The following CERK variants were observed in gnomAD, a reference collection of about 807,000 sequenced individuals.
CERK encodes ceramide kinase, also known as acylsphingosine kinase.
In CERK, 39 loss-of-function variants were observed where a neutral mutation model predicts 63.4. That is an observed-to-expected ratio of 0.61 (90% CI 0.48 to 0.80). The LOEUF (loss-of-function observed/expected upper bound fraction) is 0.80, where lower values mean the gene tolerates loss of function less well. Ranked by LOEUF, CERK falls within the 30% of genes least tolerant of loss-of-function variation. CERK has a pLI of 0.00. For missense variants in CERK, 670 were observed against 714.1 expected, an observed-to-expected ratio of 0.94 and a Z score of 0.70; for synonymous variants, 302 against 280.0, an observed-to-expected ratio of 1.08 and a Z score of -0.78.
intron 4 of CERK, among the ~76,000 whole-genome samples, chr22:46,711,943 C>T (rs996889891): frequency 6.6e-6 from 1 of 152,060 alleles, no homozygotes; most frequent in African/African-American, 2.4e-5. Flanking sequence ...CAAAAATTAG[C>T]CAGGCATGGT....
chr22:46,710,651 A>G (rs1420864197), intron 5 of CERK, among the ~76,000 whole-genome samples: 1 of 152,230 alleles, frequency 6.6e-6, no homozygotes, highest in Non-Finnish European at 1.5e-5. Context: ...GAGAGGCTAA[A>G]TAAATATGGC....
At chr22:46,735,299 G>A (rs1470057062) in intron 1 of CERK, 2 of 152,264 alleles carry the variant, frequency 1.3e-5, no homozygotes, top group South Asian at 2.1e-4. Context: ...GCTTCCTCAG[G>A]TGCAGACCTC....
intron 8 of CERK, among the ~76,000 whole-genome samples, chr22:46,698,062 T>A (rs1220779924): frequency 6.6e-6 from 1 of 151,362 alleles, no homozygotes; most frequent in Admixed American, 6.6e-5. Context: ...CTCTGGGGGG[T>A]CCCCGCAGCC....
Position 46,701,661 on chromosome 22 carries a change from T to A in CERK, c.765A>T (p.Glu255Asp). 6.4e-7 allele frequency: 1 copy of A among 1,559,464 alleles called. No homozygotes were observed. Among genetic ancestry groups the A allele is most frequent in the Non-Finnish European group, 8.7e-7 (1 of 1,151,538 alleles). Residue 255 changes from glutamate to aspartate, a missense_variant, in exon 7 of 13, where the codon GAA becomes GAT. By Grantham distance (45) the Glu-to-Asp change is conservative. Transcript: ENST00000216264. ...CYSTVGTSDAETSALHIVVGD... is the reference protein window; with the variant it reads ...CYSTVGTSDADTSALHIVVGD... The stretch of plus-strand genomic sequence containing the variant: ...CAACAACGATATGCAGCGCCGAGGT[T>A]TCTGCGTCGCTGGTGCCCACGGTGG...
rs547515185 is a variant in CERK, at chr22:46,725,141, G to A, written c.143-4126C>T. Among the ~76,000 whole-genome samples the A allele has an allele frequency of 3.3e-5, 5 of 152,142 alleles. No individual in the cohort carries two copies. In the South Asian group the frequency reaches 6.2e-4, roughly 19 times the overall value. Reference sequence around the variant, plus strand: ...CAGTGAGAGAACTCCACAGTGAGACGCCTCCAGCCTAGCAGCACTTACCCC... The same window carrying A: ...CAGTGAGAGAACTCCACAGTGAGACACCTCCAGCCTAGCAGCACTTACCCC... On this transcript the variant is annotated intron_variant, in intron 1 of 12. Transcript: ENST00000216264.
chr22:46,701,357 G>T (rs549913147), intron 7 of CERK, among the ~76,000 whole-genome samples: 1 of 152,408 alleles, frequency 6.6e-6, no homozygotes, highest in African/African-American at 2.4e-5. Flanking sequence ...GCAAGAGTCA[G>T]GTGAGCTGAG....
chr22:46,701,144 CGTG>C (rs2082781629), intron 7 of CERK, among the ~76,000 whole-genome samples: 1 of 152,258 alleles, frequency 6.6e-6, no homozygotes, highest in Non-Finnish European at 1.5e-5. Context: ...CAGAGCCCAC[CGTG>C]CTGAGTGCCA....
intron 1 of CERK, among the ~76,000 whole-genome samples, chr22:46,723,210 G>C (rs971013615): frequency 6.6e-6 from 1 of 152,210 alleles, no homozygotes; most frequent in Non-Finnish European, 1.5e-5. Flanking sequence ...GTTTACACAC[G>C]TTCCTTTTAC....
intron 10 of CERK, 113 bp downstream of exon 10, chr22:46,693,314 G>T (rs1372148646): frequency 2.3e-6 from 2 of 858,730 alleles, no homozygotes; most frequent in Admixed American, 2.0e-5. Flanking sequence ...TGCCAGACAG[G>T]AAAAAGGAAA....
chr22:46,697,128 C>T (rs1032689891), intron 8 of CERK, among the ~76,000 whole-genome samples: 7 of 152,152 alleles, frequency 4.6e-5, no homozygotes, highest in Non-Finnish European at 8.8e-5. Flanking sequence ...TTTCAAGCTT[C>T]GTAAAGTTTG....
rs1237628049 is a variant in CERK, at chr22:46,698,293, C to T, written c.943+1020G>A. ...CGTGGCATTCGCTCCCACTCCTCCT[C>T]CTCTGTGCCCACTGCGGCCGAGCCG... On this transcript the variant is annotated intron_variant, in intron 8 of 12. Transcript: ENST00000216264. Among the ~76,000 whole-genome samples, 3 of 152,254 alleles carry T rather than the reference C, an allele frequency of 2.0e-5. No homozygotes were observed. The East Asian group carries it at 5.8e-4, about 29-fold the overall frequency.
chr22:46,708,459 G>T (rs906355949), intron 5 of CERK, among the ~76,000 whole-genome samples: 1 of 152,250 alleles, frequency 6.6e-6, no homozygotes, highest in Non-Finnish European at 1.5e-5. Flanking sequence ...GCTCTGTCCC[G>T]TCAGAAATCT....
intron 1 of CERK, among the ~76,000 whole-genome samples, chr22:46,734,633 T>C (rs1434522535): frequency 1.3e-5 from 2 of 152,280 alleles, no homozygotes; most frequent in South Asian, 2.1e-4. Context: ...GTCTGAGTTT[T>C]ATTGCATGCA....
intron 3 of CERK, among the ~76,000 whole-genome samples, chr22:46,716,347 T>C (rs535409121): frequency 1.3e-5 from 2 of 151,898 alleles, no homozygotes; most frequent in South Asian, 4.2e-4. Flanking sequence ...TGTGCCACCA[T>C]GCTTGGCTAA....
intron 11 of CERK, 75 bp downstream of exon 11, chr22:46,691,497 C>A: frequency 7.9e-7 from 1 of 1,258,936 alleles, no homozygotes; most frequent in Non-Finnish European, 1.1e-6. Flanking sequence ...TGAATTCCTA[C>A]AACACATAAA....
At chr22:46,695,124 G>T in intron 9 of CERK, 86 bp downstream of exon 9, 1 of 755,836 alleles carries the variant, frequency 1.3e-6, no homozygotes, top group Non-Finnish European at 2.2e-6. Flanking sequence ...CACCACATTT[G>T]GAAAATACTT....
At chr22:46,690,971 A>C (rs751459517) in intron 11 of CERK, among the ~76,000 whole-genome samples, 3 of 151,562 alleles carry the variant, frequency 2.0e-5, no homozygotes, top group Non-Finnish European at 4.4e-5. Flanking sequence ...GTGTGTGTAT[A>C]TGTATGTATG....
Position 46,731,395 on chromosome 22 carries a change from C to T in CERK, c.142+6612G>A, listed in dbSNP as rs563702866. On this transcript the variant is annotated intron_variant, in intron 1 of 12. Transcript: ENST00000216264. Reference sequence around the variant, plus strand: ...GCAGAGGCCTGGCGGGAGCTGTACCCCCCACCCACCCGGCAATGACAAGCA... The same window carrying T: ...GCAGAGGCCTGGCGGGAGCTGTACCTCCCACCCACCCGGCAATGACAAGCA... Among the ~76,000 whole-genome samples, 346 of 152,334 alleles carry T rather than the reference C, an allele frequency of 2.3e-3. 4 individuals are homozygous for T. The highest frequency in any genetic ancestry group is 6.3e-3 in the African/African-American group (263 of 41,578).
rs2082749828 is a variant in CERK at position 46,695,176 on chromosome 22, T to C, written c.1049+34A>G. 3 of 1,082,932 alleles carry C rather than the reference T, an allele frequency of 2.8e-6. No homozygotes were observed. The South Asian group carries it at 4.1e-5, about 15-fold the overall frequency. The allele number at this position is 1,082,932 out of a possible 1,614,324, so 67.1% of individuals were successfully genotyped here. A position where few individuals can be genotyped will look rare whatever the true frequency, so the allele number is the denominator to read the frequency against. Reference sequence around the variant, plus strand: ...AACCGTCCTGCTTCATTTCCCGTCATTTGCAAGAGAAACACACAAAGCAAT... The same window carrying C: ...AACCGTCCTGCTTCATTTCCCGTCACTTGCAAGAGAAACACACAAAGCAAT... On this transcript the variant is annotated intron_variant, in intron 9 of 12. Coordinates refer to ENST00000216264, the MANE Select transcript of CERK (RefSeq NM_022766.6).
Sources: gnomAD v4.1 joint callset for allele counts (sites outside exome capture counted in the v4.1 genomes callset) on GRCh38, gnomAD v4.1.1 for gene constraint, MANE v1.5 for transcripts, NCBI Gene and HGNC (gene_info 2026-07-23, HGNC 2026-07-21) for gene names.